Variants in AQR observed in about 807,000 individuals in gnomAD.
AQR encodes aquarius intron-binding spliceosomal factor.
Under a neutral mutation model 180.5 loss-of-function variants are expected in AQR, and 61 were observed. That is an observed-to-expected ratio of 0.34 (90% CI 0.28 to 0.42). The LOEUF (loss-of-function observed/expected upper bound fraction) is 0.42, where lower values mean the gene tolerates loss of function less well. Ranked by LOEUF, AQR falls within the 10% of genes least tolerant of loss-of-function variation. The pLI is 1.00. For missense variants in AQR, 1,281 were observed against 1,798.3 expected (o/e 0.71, Z 5.20); for synonymous variants, 551 against 588.8 (o/e 0.94, Z 0.93).
chr15:34,931,242 TC>T (rs1893854790), intron 11 of AQR, among the ~76,000 whole-genome samples: 1 of 152,174 alleles, frequency 6.6e-6, no homozygotes, highest in African/African-American at 2.4e-5. Context: ...CTAACGAGGC[TC>T]TGATGTCTCC....
intron 1 of AQR, among the ~76,000 whole-genome samples, chr15:34,968,960 C>T (rs1346975468): frequency 6.6e-6 from 1 of 152,224 alleles, no homozygotes; most frequent in African/African-American, 2.4e-5. Context: ...ATGCTGACAA[C>T]CACAGGACTG....
chr15:34,898,600 C>T (rs1202839230), intron 20 of AQR, among the ~76,000 whole-genome samples: 2 of 152,202 alleles, frequency 1.3e-5, no homozygotes, highest in African/African-American at 4.8e-5. Context: ...AAAAAACTAT[C>T]CTCGGCCAGG....
At chr15:34,898,633 C>A (rs955817016) in intron 20 of AQR, among the ~76,000 whole-genome samples, 1 of 152,032 alleles carries the variant, frequency 6.6e-6, no homozygotes. Context: ...CACCTGTGAT[C>A]CAGCACTTTG....
At chr15:34,964,557 T>C (rs2050299543) in intron 1 of AQR, 3 of 515,536 alleles carry the variant, frequency 5.8e-6, no homozygotes, top group African/African-American at 1.9e-5. Context: ...AGAGAAACAA[T>C]ACAGCTCAGT....
intron 17 of AQR, among the ~76,000 whole-genome samples, chr15:34,909,288 G>A (rs1050800860): frequency 6.6e-6 from 1 of 152,160 alleles, no homozygotes; most frequent in African/African-American, 2.4e-5. Flanking sequence ...ACCTCTCACA[G>A]GACAGCTGGG....
chr15:34,934,589 T>C lies in AQR; in HGVS notation c.765A>G (p.Glu255=), dbSNP rs1157693991. The C allele has an allele frequency of 1.3e-6, 2 of 1,593,772 alleles. No homozygotes were observed. Among genetic ancestry groups the C allele is most frequent in the South Asian group, 2.3e-5 (2 of 87,298 alleles). The change falls in exon 10 of 35, where the codon GAA becomes GAG. Residue 255 remains glutamate (E), a synonymous_variant. Coordinates refer to ENST00000156471, the MANE Select transcript of AQR (RefSeq NM_014691.3). ...TTCTTACCTCTAGATCAATCATAAG[T>C]TCAATGAATCTTTCACAGTAATGAA... The part of the protein sequence containing the change: ...DKVHYCERFI[E]LMIDLEALLP...
chr15:34,874,168 A>T (rs981102436), intron 29 of AQR, 169 bp from the exon 30 acceptor site: 1 of 581,352 alleles, frequency 1.7e-6, no homozygotes, highest in Non-Finnish European at 2.7e-6. Flanking sequence ...TCCCTACTTC[A>T]AGTAACCAAG....
chr15:34,936,274 C>A (rs1320506161), intron 9 of AQR, among the ~76,000 whole-genome samples: 1 of 152,180 alleles, frequency 6.6e-6, no homozygotes, highest in Non-Finnish European at 1.5e-5. Context: ...CAATCCTTCT[C>A]AAAATATTTA....
At chr15:34,961,838 T>C (rs2050281451) in intron 2 of AQR, among the ~76,000 whole-genome samples, 1 of 152,000 alleles carries the variant, frequency 6.6e-6, no homozygotes, top group Non-Finnish European at 1.5e-5. Context: ...ACAGGGTTAC[T>C]GAAAATAAAA....
rs760102012 is a variant in AQR at position 34,910,227 on chromosome 15, T to C, written c.1571A>G (p.Lys524Arg). The C allele has an allele frequency of 6.2e-7, 1 of 1,614,228 alleles. No homozygotes were observed. The highest frequency in any genetic ancestry group is 1.1e-5 in the South Asian group (1 of 91,084). The change falls in exon 17 of 35, where the codon AAA (lysine) becomes AGA (arginine). Residue 524 changes from lysine (K) to arginine (R), a missense_variant. By Grantham distance (26) the Lys-to-Arg change is conservative. Around this residue, in one of 9 missense-constraint regions of AQR, gnomAD observed 200 missense variants for 293.4 expected, o/e 0.68. Transcript: ENST00000156471. The stretch of plus-strand genomic sequence containing the variant: ...TGGCCAGTTTTCACCTATGTTGGGT[T>C]TGGCCACTTCAACGACAGTGAAAGC... ...IVAFTVVEVA[K>R]PNIGENWPTR...
rs143638735 is a variant in AQR, at chr15:34,866,046, C to T, written c.3854+1478G>A. Among the ~76,000 whole-genome samples the T allele has an allele frequency of 5.9e-3, 901 of 152,000 alleles. 3 individuals carry two copies. Among genetic ancestry groups the T allele is most frequent in the Non-Finnish European group, 9.2e-3 (623 of 67,966 alleles). On this transcript the variant is annotated intron_variant, in intron 32 of 34. Transcript: ENST00000156471. Reference sequence around the variant, plus strand: ...ACACTTTAAATAGATAAATTGTATACGCAAATTACAACTCAATAATGTTAT... The same window carrying T: ...ACACTTTAAATAGATAAATTGTATATGCAAATTACAACTCAATAATGTTAT...
intron 5 of AQR, among the ~76,000 whole-genome samples, chr15:34,945,839 T>G (rs1457377905): frequency 1.3e-5 from 2 of 152,238 alleles, no homozygotes; most frequent in Non-Finnish European, 2.9e-5. Context: ...AAACTCTTGA[T>G]GAAGTGACCA....
intron 23 of AQR, among the ~76,000 whole-genome samples, chr15:34,890,926 A>G (rs1893136065): frequency 6.6e-6 from 1 of 152,190 alleles, no homozygotes; most frequent in Admixed American, 6.5e-5. Context: ...CCTAGTATTC[A>G]TTATCTGAAC....
chr15:34,965,288 A>G (rs746171389), intron 1 of AQR, among the ~76,000 whole-genome samples: 21 of 151,906 alleles, frequency 1.4e-4, no homozygotes, highest in Non-Finnish European at 3.1e-4. Flanking sequence ...TGATGAACAC[A>G]TACAACACAC....
chr15:34,920,509 T>C, intron 13 of AQR, 75 bp from the exon 14 acceptor site: 6 of 1,165,396 alleles, frequency 5.1e-6, no homozygotes, highest in African/African-American at 1.6e-5. Context: ...TTTTTACAAA[T>C]AGCTTAAAAA....
chr15:34,893,579 C>T, intron 23 of AQR, 84 bp downstream of exon 23: 2 of 1,203,066 alleles, frequency 1.7e-6, no homozygotes, highest in Non-Finnish European at 2.4e-6. Context: ...AACCCCTAAC[C>T]TGCATACCCA....
rs1262101964 is a variant in AQR, at chr15:34,930,354, T to G, written c.918A>C (p.Lys306Asn). 2 of 1,603,784 alleles carry G rather than the reference T, an allele frequency of 1.2e-6. No homozygotes were observed. Residue 306 changes from lysine (K) to asparagine (N), a missense_variant, in exon 12 of 35, where the codon AAA becomes AAC. This residue lies in a region of AQR where 404 missense variants were observed against 490.9 expected (regional missense o/e 0.82). Transcript: ENST00000156471. ...CATTAATTTCAAAACCAGTATAGAA[T>G]TTAAGCATGTCCAAAAGCTGAAGAA... is the stretch of plus-strand genomic sequence containing the variant. ...HLFSQLLDML[K>N]FYTGFEINDQ...
intron 3 of AQR, among the ~76,000 whole-genome samples, chr15:34,956,277 G>A (rs79322271): frequency 0.062 from 9,427 of 152,146 alleles, 328 homozygotes; most frequent in Middle Eastern, 0.092. Context: ...CCACTTAGTT[G>A]GTTCATAACA....
At chr15:34,871,205 A>G (rs1248091945) in intron 30 of AQR, among the ~76,000 whole-genome samples, 1 of 152,130 alleles carries the variant, frequency 6.6e-6, no homozygotes, top group Non-Finnish European at 1.5e-5. Context: ...AACAATCACA[A>G]TATAGATTAA....
Sources: gnomAD v4.1 joint callset for allele counts (sites outside exome capture counted in the v4.1 genomes callset) on GRCh38, gnomAD v4.1.1 for gene constraint, gnomAD v4.1.1 regional missense constraint, MANE v1.5 for transcripts, NCBI Gene and HGNC (gene_info 2026-07-23, HGNC 2026-07-21) for gene names.